The following ANO2 variants were observed in gnomAD, a reference collection of about 807,000 sequenced individuals.
ANO2 encodes anoctamin 2.
ANO2 carries 101 observed loss-of-function variants against 124.2 expected under a neutral mutation model. The observed-to-expected ratio is 0.81, with a 90% CI of 0.69 to 0.96. The LOEUF is 0.96. Among genes scored for constraint, ANO2 ranks in the 40% least tolerant of loss-of-function variants. ANO2 has a pLI of 0.00. For missense variants in ANO2, 1,293 were observed against 1,274.5 expected (o/e 1.01, Z -0.22); for synonymous variants, 486 against 482.5 (o/e 1.01, Z -0.09).
At chr12:5,739,935 C>A (rs1197673007) in intron 12 of ANO2, 1 of 456,178 alleles carries the variant, frequency 2.2e-6, no homozygotes, top group Admixed American at 2.3e-5. Context: ...GCCTTCCAAC[C>A]CATCCTGCAT....
At chr12:5,565,484 G>T in intron 24 of ANO2, 74 bp downstream of exon 24, 1 of 1,283,622 alleles carries the variant, frequency 7.8e-7, no homozygotes, top group Non-Finnish European at 1.1e-6. Context: ...GGAGGTAGGT[G>T]CAAGCAATGA....
intron 4 of ANO2, among the ~76,000 whole-genome samples, chr12:5,841,409 CTCTAGTG>C (rs1460364511): frequency 4.6e-5 from 7 of 152,338 alleles, no homozygotes; most frequent in African/African-American, 1.7e-4. Context: ...AATGCACATT[CTCTAGTG>C]TCTAGTTCTG....
At chr12:5,677,702 A>G (rs1427220083) in intron 14 of ANO2, among the ~76,000 whole-genome samples, 2 of 152,164 alleles carry the variant, frequency 1.3e-5, no homozygotes, top group African/African-American at 2.4e-5. Flanking sequence ...CTCAGCTACC[A>G]TACCCAAAGG....
chr12:5,610,894 ATGG>A (rs1944510194), intron 19 of ANO2, among the ~76,000 whole-genome samples: 1 of 148,720 alleles, frequency 6.7e-6, no homozygotes, highest in Non-Finnish European at 1.5e-5. Flanking sequence ...AAAGAAAATG[ATGG>A]CAGTCCATCT....
At chr12:5,812,452 AAGGAAGAAAGGAAGGAAGGGGG>A (rs1333813195) in intron 7 of ANO2, among the ~76,000 whole-genome samples, 1 of 121,908 alleles carries the variant, frequency 8.2e-6, no homozygotes, top group Non-Finnish European at 1.7e-5. Context: ...GAAAGGAAGA[AAGGAAGAAAGGAAGGAAGGGGG>A]AGGAAGGAAG....
chr12:5,719,612 A>G (rs1950147283), intron 14 of ANO2, among the ~76,000 whole-genome samples: 1 of 152,200 alleles, frequency 6.6e-6, no homozygotes, highest in African/African-American at 2.4e-5. Flanking sequence ...TTGGAAGCAG[A>G]CAACAGCCCT....
chr12:5,852,038 T>C (rs192236129), intron 4 of ANO2: 10 of 707,374 alleles, frequency 1.4e-5, no homozygotes, highest in Admixed American at 8.0e-5. Flanking sequence ...ACATTACACA[T>C]TCAGATAAAC....
In ANO2 at chr12:5,739,365, C is replaced by A; in HGVS notation, c.1386G>T (p.Gln462His). The stretch of plus-strand genomic sequence containing the variant: ...GGTCCCAAAAGTAGCCCAGTCGCAT[C>A]TGTAGCCTCTTCCAGTTTTCCAGGA... Reference protein sequence around the residue: ...TMFLENWKRLQMRLGYFWDLT... With the variant: ...TMFLENWKRLHMRLGYFWDLT... Residue 462 changes from glutamine (Q) to histidine (H), a missense_variant, in exon 13 of 25, where the codon CAG becomes CAT. Gln to His is a conservative substitution (Grantham distance 24). Transcript: ENST00000682330. 1.9e-6 allele frequency: 3 copies of A among 1,607,468 alleles called. No homozygotes were observed. Among genetic ancestry groups the A allele is most frequent in the East Asian group, 2.2e-5 (1 of 44,744 alleles).
intron 14 of ANO2, among the ~76,000 whole-genome samples, chr12:5,674,005 C>T (rs1948124787): frequency 6.6e-6 from 1 of 152,188 alleles, no homozygotes; most frequent in Non-Finnish European, 1.5e-5. Context: ...AGACCACCCT[C>T]CTCTCCTTTT....
At chr12:5,818,450 TATATATA>T (rs1953679386) in intron 7 of ANO2, among the ~76,000 whole-genome samples, 5 of 1,210 alleles carry the variant, frequency 4.1e-3, no homozygotes, top group South Asian at 0.042. Context: ...ACTCATATTA[TATATATA>T]TATATATATA....
intron 14 of ANO2, among the ~76,000 whole-genome samples, chr12:5,721,509 T>G (rs1179534875): frequency 5.3e-5 from 5 of 95,184 alleles, no homozygotes; most frequent in South Asian, 5.6e-4. Context: ...GTTTTTTTTT[T>G]TTGTTTTTTT....
chr12:5,676,100 T>C (rs1948228419), intron 14 of ANO2, among the ~76,000 whole-genome samples: 1 of 152,220 alleles, frequency 6.6e-6, no homozygotes, highest in Non-Finnish European at 1.5e-5. Context: ...TGAGATATGC[T>C]GACCTTCCCA....
chr12:5,612,892 T>C lies in ANO2; in HGVS notation c.1986+9A>G. The C allele has an allele frequency of 6.2e-7, 1 of 1,613,876 alleles. No individual in the cohort carries two copies. The highest frequency in any genetic ancestry group is 8.5e-7 in the Non-Finnish European group (1 of 1,179,802). ...GTGCCAGGCATGAAACACCAGTGGC[T>C]GTACTTGCCTCTTCCATGCGGTAAC... is the stretch of plus-strand genomic sequence containing the variant. On this transcript the variant is annotated intron_variant, in intron 18 of 24. Coordinates refer to ENST00000682330, the MANE Select transcript of ANO2 (RefSeq NM_001364791.2).
chr12:5,826,476 A>ATC (rs1555169944), intron 7 of ANO2, among the ~76,000 whole-genome samples: 10 of 146,566 alleles, frequency 6.8e-5, no homozygotes, highest in African/African-American at 2.3e-4. Context: ...ATATATATAT[A>ATC]TCCTTGATAT....
At position 5,921,205 on chromosome 12, in the gene ANO2, C is replaced by G; in HGVS notation, c.369G>C (p.Leu123=). Reference sequence around the variant, plus strand: ...CTGTCTCCCCATTGGAGACGATAGCCAGCGAGTGGCCAGGGAAGCCTTGGG... The same window carrying G: ...CTGTCTCCCCATTGGAGACGATAGCGAGCGAGTGGCCAGGGAAGCCTTGGG... ...HLAQGFPGHS[L]AIVSNGETGK... Residue 123 remains leucine (L), a synonymous_variant, in exon 3 of 25, where the codon CTG becomes CTC. Coordinates refer to ENST00000682330, the MANE Select transcript of ANO2 (RefSeq NM_001364791.2). The G allele has an allele frequency of 6.2e-7, 1 of 1,613,982 alleles. No individual in the cohort carries two copies. Among genetic ancestry groups the G allele is most frequent in the South Asian group, 1.1e-5 (1 of 91,064 alleles).
chr12:5,824,027 G>A (rs188144736), intron 7 of ANO2, among the ~76,000 whole-genome samples: 1 of 152,310 alleles, frequency 6.6e-6, no homozygotes, highest in Admixed American at 6.5e-5. Context: ...AGGGCAGCAA[G>A]TCCCTAGGCT....
chr12:5,611,713 T>C (rs896882812), intron 19 of ANO2, among the ~76,000 whole-genome samples: 3 of 152,206 alleles, frequency 2.0e-5, no homozygotes, highest in Non-Finnish European at 4.4e-5. Flanking sequence ...AAAAGGTTCA[T>C]TATTGGAGGA....
At chr12:5,847,445 CTGTGTGTG>C (rs35366359) in intron 4 of ANO2, among the ~76,000 whole-genome samples, 115 of 144,782 alleles carry the variant, frequency 7.9e-4, no homozygotes, top group African/African-American at 2.7e-3. Flanking sequence ...CATAACACCT[CTGTGTGTG>C]TGTGTGTGTG....
intron 7 of ANO2, among the ~76,000 whole-genome samples, chr12:5,809,216 A>T (rs754884109): frequency 1.3e-5 from 2 of 152,190 alleles, no homozygotes; most frequent in Non-Finnish European, 2.9e-5. Flanking sequence ...CACTCTGAGC[A>T]TCATTACTCA....
Sources: allele counts gnomAD v4.1 joint callset (sites outside exome capture counted in the v4.1 genomes callset), GRCh38; gene constraint gnomAD v4.1.1; transcripts MANE v1.5; gene names NCBI Gene and HGNC (gene_info 2026-07-23, HGNC 2026-07-21).